Variants in GOLGB1 observed in about 807,000 individuals in gnomAD.
The protein encoded by GOLGB1 is golgin subfamily B member 1.
GOLGB1 carries 174 observed loss-of-function variants against 336.9 expected under a neutral mutation model. That is an observed-to-expected ratio of 0.52 (90% CI 0.46 to 0.59). GOLGB1 has a LOEUF of 0.59. Among genes scored for constraint, GOLGB1 ranks in the 20% least tolerant of loss-of-function variants. The probability of loss-of-function intolerance (pLI) is 0.00; values close to 1 mark genes in which losing one functional copy is unlikely to be tolerated. For synonymous variants in GOLGB1, 1,208 were observed against 1,289.2 expected, an observed-to-expected ratio of 0.94 and a Z score of 1.35; for missense variants, 3,331 against 3,645.3, an observed-to-expected ratio of 0.91 and a Z score of 2.22.
chr3:121,696,009 T>C lies in GOLGB1; in HGVS notation c.4514A>G (p.Lys1505Arg), dbSNP rs767990835. ...CAAAGACAATTCCTCTTGGAGACTTTTGTTTTCTTTTAGTGCTTCTTTTCG... is the reference window on the plus strand; with the variant it reads ...CAAAGACAATTCCTCTTGGAGACTTCTGTTTTCTTTTAGTGCTTCTTTTCG... ...ISRKEALKEN[K>R]SLQEELSLAR... The change falls in exon 13 of 22, where the codon AAA becomes AGA. Residue 1505 changes from lysine (K) to arginine (R), a missense_variant. Lys to Arg is a conservative substitution (Grantham distance 26). Transcript: ENST00000614479. 4.3e-6 allele frequency: 7 copies of C among 1,614,140 alleles called. No individual in the cohort carries two copies. Among genetic ancestry groups the C allele is most frequent in the Non-Finnish European group, 5.1e-6 (6 of 1,180,004 alleles).
chr3:121,705,259 C>T (rs919701823), intron 10 of GOLGB1, among the ~76,000 whole-genome samples: 2 of 152,124 alleles, frequency 1.3e-5, no homozygotes, highest in African/African-American at 2.4e-5. Flanking sequence ...ATATGTTATA[C>T]TTCCTAGAAT....
At chr3:121,721,774 TA>T (rs758507209) in intron 6 of GOLGB1, among the ~76,000 whole-genome samples, 7 of 149,556 alleles carry the variant, frequency 4.7e-5, no homozygotes, top group Non-Finnish European at 8.9e-5. Context: ...CCATTTAACA[TA>T]AAATCACATG....
At chr3:121,745,047 A>G (rs1446220110) in intron 1 of GOLGB1, among the ~76,000 whole-genome samples, 1 of 152,130 alleles carries the variant, frequency 6.6e-6, no homozygotes, top group Non-Finnish European at 1.5e-5. Context: ...AATAATCTGG[A>G]AATGTAAATG....
chr3:121,671,561 T>C (rs535445302), intron 17 of GOLGB1, among the ~76,000 whole-genome samples: 1 of 152,360 alleles, frequency 6.6e-6, no homozygotes, highest in Non-Finnish European at 1.5e-5. Context: ...TATAATGTAA[T>C]ATATTCATAT....
rs1576422515 is a variant in GOLGB1, at chr3:121,719,682, T to C, written c.735A>G (p.Leu245=). The part of the protein sequence containing the change: ...VRLHEDELLQ[L]VTQADVETEM... ...CTGTTTCCACATCTGCCTGGGTTAC[T>C]AACTGAAGAAGCTCATCTTCATGAA... The change falls in exon 7 of 22, where the codon TTA becomes TTG. Residue 245 remains leucine, a synonymous_variant. Coordinates refer to ENST00000614479, the MANE Select transcript of GOLGB1 (RefSeq NM_001366282.2). 1 of 1,611,214 alleles carries C rather than the reference T, an allele frequency of 6.2e-7. No homozygotes were observed. The highest frequency in any genetic ancestry group is 8.5e-7 in the Non-Finnish European group (1 of 1,178,618).
intron 10 of GOLGB1, among the ~76,000 whole-genome samples, chr3:121,707,349 C>T (rs1943968277): frequency 6.6e-6 from 1 of 151,508 alleles, no homozygotes; most frequent in Non-Finnish European, 1.5e-5. Flanking sequence ...GAGCCAGGTG[C>T]AGTAGCTCAC....
At position 121,674,760 on chromosome 3, in the gene GOLGB1, C is replaced by G. The variant is rs1940081893; in HGVS notation, c.9177+2133G>C. On this transcript the variant is annotated intron_variant, in intron 17 of 21. Transcript: ENST00000614479. Reference sequence around the variant, plus strand: ...CCTCAGTATCTAGCATATAGCCAGGCTCATGGAAGACAAATAATAGTTATT... The same window carrying G: ...CCTCAGTATCTAGCATATAGCCAGGGTCATGGAAGACAAATAATAGTTATT... Among the ~76,000 whole-genome samples, 2 of 151,622 alleles carry G rather than the reference C, an allele frequency of 1.3e-5. 1 individual carries two copies. Among genetic ancestry groups the G allele is most frequent in the South Asian group, 4.2e-4 (2 of 4,812 alleles).
At chr3:121,704,566 T>G (rs1182296838) in intron 10 of GOLGB1, among the ~76,000 whole-genome samples, 2 of 151,886 alleles carry the variant, frequency 1.3e-5, no homozygotes, top group African/African-American at 2.4e-5. Context: ...TCATCTGAGG[T>G]TGGGAGTTCA....
chr3:121,734,195 GC>G (rs1394385868), intron 1 of GOLGB1, among the ~76,000 whole-genome samples: 1 of 152,012 alleles, frequency 6.6e-6, no homozygotes, highest in African/African-American at 2.4e-5. Flanking sequence ...TTCAACACCA[GC>G]CTGGCCAACA....
At chr3:121,737,575 TGA>T (rs1218933607) in intron 1 of GOLGB1, among the ~76,000 whole-genome samples, 1 of 150,566 alleles carries the variant, frequency 6.6e-6, no homozygotes, top group Non-Finnish European at 1.5e-5. Flanking sequence ...CACTTGAACC[TGA>T]GAGGTGGAGG....
chr3:121,722,946 G>A (rs1401027316), intron 5 of GOLGB1, among the ~76,000 whole-genome samples: 3 of 152,168 alleles, frequency 2.0e-5, no homozygotes, highest in African/African-American at 7.2e-5. Flanking sequence ...AAGGGCTAGA[G>A]CAATCTAGGC....
intron 14 of GOLGB1, among the ~76,000 whole-genome samples, chr3:121,685,449 C>T (rs544574374): frequency 5.3e-5 from 8 of 151,962 alleles, no homozygotes; most frequent in Admixed American, 2.0e-4. Flanking sequence ...GCAGAAGAAT[C>T]GCTTGAACCC....
At position 121,714,987 on chromosome 3, in the gene GOLGB1, G is replaced by T. The variant is rs1560280421; in HGVS notation, c.1289-11C>A. On this transcript the variant is annotated splice_polypyrimidine_tract_variant and intron_variant, in intron 9 of 21. Coordinates refer to ENST00000614479, the MANE Select transcript of GOLGB1 (RefSeq NM_001366282.2). The stretch of plus-strand genomic sequence containing the variant: ...TTTGCTGGAGCTGATCTAAGGAAAA[G>T]AAAAAAAATAAATGTAATATTTGCT... 2 of 1,384,370 alleles carry T rather than the reference G, an allele frequency of 1.4e-6. No individual in the cohort carries two copies. Among genetic ancestry groups the T allele is most frequent in the Non-Finnish European group, 2.0e-6 (2 of 976,516 alleles). The allele number at this position is 1,384,370 out of a possible 1,614,324, so 85.8% of individuals were successfully genotyped here. A position where few individuals can be genotyped will look rare whatever the true frequency, so the allele number is the denominator to read the frequency against.
At chr3:121,733,651 G>C (rs1440243526) in intron 1 of GOLGB1, among the ~76,000 whole-genome samples, 1 of 152,188 alleles carries the variant, frequency 6.6e-6, no homozygotes, top group Non-Finnish European at 1.5e-5. Flanking sequence ...GGCAAGGAGT[G>C]TGGAAATTAC....
At chr3:121,681,569 G>A in intron 15 of GOLGB1, 118 bp downstream of exon 15, 1 of 711,610 alleles carries the variant, frequency 1.4e-6, no homozygotes, top group Non-Finnish European at 2.3e-6. Flanking sequence ...GTCACCACTG[G>A]AAGAAACTGG....
At chr3:121,747,351 GTATATACGTA>G (rs1161608172) in intron 1 of GOLGB1, among the ~76,000 whole-genome samples, 1 of 135,404 alleles carries the variant, frequency 7.4e-6, no homozygotes, top group Admixed American at 7.3e-5. Flanking sequence ...ATATATATGT[GTATATACGTA>G]TATATACGTA....
Position 121,696,895 on chromosome 3 carries a change from G to T in GOLGB1, c.3628C>A (p.Leu1210Ile), listed in dbSNP as rs1942996272. The change falls in exon 13 of 22, where the codon CTA becomes ATA. Residue 1210 changes from leucine (L) to isoleucine (I), a missense_variant. By Grantham distance (5) the Leu-to-Ile change is conservative. Coordinates refer to ENST00000614479, the MANE Select transcript of GOLGB1 (RefSeq NM_001366282.2). Reference sequence around the variant, plus strand: ...TTATAGTCATCTTTCTGTTGCTTTAGCTCCTCCCTGAGATGTCTTTCTTTC... The same window carrying T: ...TTATAGTCATCTTTCTGTTGCTTTATCTCCTCCCTGAGATGTCTTTCTTTC... ...QEKERHLREE[L>I]KQQKDDYNRL... 2.5e-6 allele frequency: 4 copies of T among 1,613,986 alleles called. No homozygotes were observed. The highest frequency in any genetic ancestry group is 3.4e-6 in the Non-Finnish European group (4 of 1,179,990).
chr3:121,683,493 T>A (rs1404308896), intron 14 of GOLGB1, among the ~76,000 whole-genome samples: 1 of 152,024 alleles, frequency 6.6e-6, no homozygotes, highest in East Asian at 1.9e-4. Context: ...AAACTAAAGA[T>A]ACTGAGATAA....
rs760342846 is a variant in GOLGB1 at position 121,697,487 on chromosome 3, T to C, written c.3036A>G (p.Gln1012=). 3.1e-6 allele frequency: 5 copies of C among 1,611,594 alleles called. No homozygotes were observed. The South Asian group carries it at 4.4e-5, about 14-fold the overall frequency. The change falls in exon 13 of 22, where the codon CAA becomes CAG. Residue 1012 remains glutamine, a synonymous_variant. Transcript: ENST00000614479. ...ATTCTTCTTCCAATCTACTGACTCT[T>C]TGCAGAAGCTCCTTTCTGTTAATAA... The part of the protein sequence containing the change: ...AALINRKELL[Q]RVSRLEEELA...
Sources: gnomAD v4.1 joint callset for allele counts (sites outside exome capture counted in the v4.1 genomes callset) on GRCh38, gnomAD v4.1.1 for gene constraint, MANE v1.5 for transcripts, NCBI Gene and HGNC (gene_info 2026-07-23, HGNC 2026-07-21) for gene names.